The following FRK variants were observed in gnomAD, a reference collection of about 807,000 sequenced individuals.
FRK encodes fyn related Src family tyrosine kinase.
In FRK, 51 loss-of-function variants were observed where a neutral mutation model predicts 56.4. The observed-to-expected ratio is 0.90, with a 90% confidence interval of 0.72 to 1.14. The LOEUF is 1.14. FRK is among the 50% of genes most tolerant of loss of function. The pLI is 0.00. For missense variants in FRK, 570 were observed against 601.4 expected, an observed-to-expected ratio of 0.95 and a Z score of 0.55; for synonymous variants, 245 against 217.9, an observed-to-expected ratio of 1.12 and a Z score of -1.10.
At chr6:115,944,690 T>C (rs991953697) in intron 5 of FRK, among the ~76,000 whole-genome samples, 8 of 152,164 alleles carry the variant, frequency 5.3e-5, no homozygotes, top group Non-Finnish European at 1.2e-4. Context: ...TCTGAGAGTC[T>C]GGCTATTCTG....
intron 1 of FRK, among the ~76,000 whole-genome samples, chr6:116,017,688 G>A (rs1336333610): frequency 6.6e-6 from 1 of 152,188 alleles, no homozygotes; most frequent in Admixed American, 6.5e-5. Flanking sequence ...GAAGGTCGGA[G>A]GTAGAGCTCA....
upstream of FRK, among the ~76,000 whole-genome samples, chr6:116,063,936 T>G (rs1327221708): frequency 6.6e-6 from 1 of 152,200 alleles, no homozygotes; most frequent in East Asian, 1.9e-4. Context: ...AGTAACACTC[T>G]GTTCTCAATC....
the FRK span, among the ~76,000 whole-genome samples, chr6:116,078,114 C>T: frequency 2.6e-5 from 4 of 152,192 alleles, no homozygotes; most frequent in South Asian, 2.1e-4. Flanking sequence ...GAGCTGAGAT[C>T]GCACCATTGC....
chr6:116,014,976 G>T (rs545860575), intron 1 of FRK, among the ~76,000 whole-genome samples: 1 of 152,236 alleles, frequency 6.6e-6, no homozygotes, highest in African/African-American at 2.4e-5. Flanking sequence ...TCTCAGAAAT[G>T]CCTGTGAAAG....
intron 4 of FRK, among the ~76,000 whole-genome samples, chr6:115,961,281 A>G: frequency 8.8e-6 from 1 of 113,860 alleles, no homozygotes; most frequent in Non-Finnish European, 1.8e-5. Flanking sequence ...GATCAACTGG[A>G]AGAAAGGGTA....
At chr6:116,002,788 G>A (rs919400284) in intron 2 of FRK, 5 of 439,692 alleles carry the variant, frequency 1.1e-5, no homozygotes, top group African/African-American at 4.0e-5. Flanking sequence ...ACGGACCCTC[G>A]GCAACACCTG....
chr6:115,983,115 C>A (rs1190761066), intron 2 of FRK, among the ~76,000 whole-genome samples: 2 of 151,878 alleles, frequency 1.3e-5, no homozygotes, highest in African/African-American at 4.8e-5. Flanking sequence ...AGCACCTGAC[C>A]TAAGCAAGCA....
chr6:115,973,691 A>G (rs484633), intron 2 of FRK, among the ~76,000 whole-genome samples: 110,190 of 151,974 alleles, frequency 0.73, 40,259 homozygotes, highest in South Asian at 0.89. Context: ...CCAATATGGC[A>G]AAACCCCATC....
chr6:115,974,553 A>G (rs1425215279), intron 2 of FRK, among the ~76,000 whole-genome samples: 1 of 152,222 alleles, frequency 6.6e-6, no homozygotes. Flanking sequence ...TAATTAGTAT[A>G]TAACCAAAAA....
intron 4 of FRK, among the ~76,000 whole-genome samples, chr6:115,967,022 C>G (rs1773607032): frequency 6.6e-6 from 1 of 152,054 alleles, no homozygotes; most frequent in Non-Finnish European, 1.5e-5. Flanking sequence ...GGAATAAAGC[C>G]TGGCTGAATA....
At chr6:116,031,464 TG>T (rs1218747208) in intron 1 of FRK, among the ~76,000 whole-genome samples, 1 of 152,152 alleles carries the variant, frequency 6.6e-6, no homozygotes, top group Non-Finnish European at 1.5e-5. Flanking sequence ...CTAGCTCTAA[TG>T]GTTGAGAAGA....
chr6:116,093,424 T>C, the FRK span, among the ~76,000 whole-genome samples: 4 of 152,238 alleles, frequency 2.6e-5, no homozygotes, highest in Non-Finnish European at 5.9e-5. Flanking sequence ...CTACAGGGTC[T>C]AGGGCAAACC....
intron 2 of FRK, among the ~76,000 whole-genome samples, chr6:115,999,852 T>C (rs1197385244): frequency 6.6e-5 from 10 of 152,218 alleles, no homozygotes; most frequent in African/African-American, 1.7e-4. Context: ...CTCTGGCTAA[T>C]AGGAAAAATT....
chr6:115,983,192 T>A (rs1309927338), intron 2 of FRK, among the ~76,000 whole-genome samples: 1 of 152,108 alleles, frequency 6.6e-6, no homozygotes, highest in Non-Finnish European at 1.5e-5. Context: ...GGGTTTACAG[T>A]GGAGAAAACT....
In FRK at chr6:116,058,250, T is replaced by C. The variant is rs77736106; in HGVS notation, c.344+1718A>G. ...AATGCACATAAGTGTATCCAATATA[T>C]AAAGATATTTCCTGTAGATTATCAC... On this transcript the variant is annotated intron_variant, in intron 1 of 7. Coordinates refer to ENST00000606080, the MANE Select transcript of FRK (RefSeq NM_002031.3). Among the ~76,000 whole-genome samples the C allele has an allele frequency of 7.8e-3, 1,192 of 152,324 alleles. 14 individuals carry two copies. The highest frequency in any genetic ancestry group is 0.027 in the African/African-American group (1,110 of 41,572).
intron 1 of FRK, among the ~76,000 whole-genome samples, chr6:116,037,449 A>G (rs1776529396): frequency 6.6e-6 from 1 of 152,196 alleles, no homozygotes; most frequent in Non-Finnish European, 1.5e-5. Flanking sequence ...TTTCTACACT[A>G]CAGACCCAAT....
chr6:116,020,668 A>G (rs75517268), intron 1 of FRK, among the ~76,000 whole-genome samples: 6,036 of 152,226 alleles, frequency 0.04, 122 homozygotes, highest in Non-Finnish European at 0.048. Context: ...TCCAAATTAC[A>G]TATTCTATAG....
chr6:116,003,740 G>T, intron 2 of FRK, 137 bp downstream of exon 2: 1 of 848,862 alleles, frequency 1.2e-6, no homozygotes, highest in Non-Finnish European at 1.8e-6. Flanking sequence ...CTCTTAAGTA[G>T]TTTAGTATTA....
chr6:116,068,797 C>T, the FRK span, among the ~76,000 whole-genome samples: 1 of 151,736 alleles, frequency 6.6e-6, no homozygotes, highest in African/African-American at 2.4e-5. Flanking sequence ...CTTTACTGAT[C>T]TGAGTTCCCT....
Sources: allele counts gnomAD v4.1 joint callset (sites outside exome capture counted in the v4.1 genomes callset), GRCh38; gene constraint gnomAD v4.1.1; transcripts MANE v1.5; gene names NCBI Gene and HGNC (gene_info 2026-07-23, HGNC 2026-07-21).